UPF2: variants seen among roughly 807,000 people sequenced by gnomAD.
UPF2 encodes UPF2 regulator of nonsense mediated mRNA decay.
UPF2 carries 17 observed loss-of-function variants against 141.4 expected under a neutral mutation model. The ratio of observed to expected loss-of-function variants is 0.12; its 90% CI spans 0.08 to 0.18. The LOEUF (loss-of-function observed/expected upper bound fraction) is 0.18, where lower values mean the gene tolerates loss of function less well. Among genes scored for constraint, UPF2 ranks in the 10% least tolerant of loss-of-function variants. UPF2 has a pLI of 1.00. For synonymous variants in UPF2, 540 were observed against 498.0 expected, an observed-to-expected ratio of 1.08 and a Z score of -1.12; for missense variants, 1,152 against 1,515.9, an observed-to-expected ratio of 0.76 and a Z score of 3.99.
chr10:11,969,509 A>T (rs962887502), intron 9 of UPF2, among the ~76,000 whole-genome samples: 1 of 152,100 alleles, frequency 6.6e-6, no homozygotes, highest in African/African-American at 2.4e-5. Flanking sequence ...CATACAAAAT[A>T]GTTTTGCAAT....
intron 14 of UPF2, among the ~76,000 whole-genome samples, chr10:11,954,480 A>C (rs901764492): frequency 1.3e-5 from 2 of 151,750 alleles, no homozygotes; most frequent in Non-Finnish European, 2.9e-5. Flanking sequence ...CCAAAAATAC[A>C]AAAATTAGCC....
chr10:12,007,199 G>A (rs1385347919), intron 4 of UPF2, among the ~76,000 whole-genome samples: 1 of 152,106 alleles, frequency 6.6e-6, no homozygotes, highest in East Asian at 1.9e-4. Context: ...AAACAATAAA[G>A]GAAATCATGC....
chr10:11,948,880 C>T (rs933039560), intron 15 of UPF2, among the ~76,000 whole-genome samples: 1 of 152,182 alleles, frequency 6.6e-6, no homozygotes, highest in Non-Finnish European at 1.5e-5. Context: ...GTTGGCCACA[C>T]TCTTTACCAA....
intron 16 of UPF2, 111 bp downstream of exon 16, chr10:11,948,247 CAAAAAAAAAAA>C: frequency 4.3e-6 from 2 of 467,982 alleles, no homozygotes; most frequent in Non-Finnish European, 6.2e-6. Flanking sequence ...GACTCTGTCT[CAAAAAAAAAAA>C]AAAAAAAAAA....
At chr10:11,960,622 C>T (rs188794263) in intron 11 of UPF2, among the ~76,000 whole-genome samples, 5 of 151,388 alleles carry the variant, frequency 3.3e-5, no homozygotes, top group East Asian at 1.9e-4. Flanking sequence ...TACCCAGGCA[C>T]GGTAGTATGC....
chr10:11,950,531 G>A (rs1176969009), intron 15 of UPF2, among the ~76,000 whole-genome samples: 1 of 152,082 alleles, frequency 6.6e-6, no homozygotes, highest in Non-Finnish European at 1.5e-5. Context: ...CTCACAAGAA[G>A]CCTGCAGTCC....
At chr10:11,970,586 T>G (rs935229819) in intron 9 of UPF2, among the ~76,000 whole-genome samples, 1 of 151,988 alleles carries the variant, frequency 6.6e-6, no homozygotes, top group Admixed American at 6.6e-5. Flanking sequence ...CCAAGGCAGG[T>G]GGATCACTTG....
Position 12,035,021 on chromosome 10 carries a change from C to T in UPF2, c.365+38G>A, listed in dbSNP as rs779402303. ...TTTTCCCAAAATATTCCAATCTTCCCATTCCCTCACATCAATAAATACAAT... is the reference window on the plus strand; with the variant it reads ...TTTTCCCAAAATATTCCAATCTTCCTATTCCCTCACATCAATAAATACAAT... On this transcript the variant is annotated intron_variant, in intron 2 of 21. Coordinates refer to ENST00000357604, the MANE Select transcript of UPF2 (RefSeq NM_015542.4). 5.3e-6 allele frequency: 8 copies of T among 1,515,896 alleles called. No homozygotes were observed. The East Asian group carries it at 1.8e-4, about 35-fold the overall frequency. The allele number at this position is 1,515,896 out of a possible 1,614,324, so 93.9% of individuals were successfully genotyped here. A position where few individuals can be genotyped will look rare whatever the true frequency, so the allele number is the denominator to read the frequency against.
chr10:11,943,319 G>T, intron 16 of UPF2, 151 bp from the exon 17 acceptor site: 1 of 658,066 alleles, frequency 1.5e-6, no homozygotes, highest in Admixed American at 2.9e-5. Flanking sequence ...GGAGGGCAAA[G>T]TCAGCTAGCA....
intron 18 of UPF2, among the ~76,000 whole-genome samples, chr10:11,938,842 G>GTTTTGTTTTTTTTTT (rs1832886963): frequency 6.5e-5 from 3 of 45,862 alleles, no homozygotes; most frequent in African/African-American, 2.1e-4. Context: ...TCTTAAGCAA[G>GTTTTGTTTTTTTTTT]TTTTTTTTTT....
intron 2 of UPF2, among the ~76,000 whole-genome samples, chr10:12,029,973 A>C (rs1834489818): frequency 6.6e-6 from 1 of 151,034 alleles, no homozygotes; most frequent in Admixed American, 6.6e-5. Context: ...AAAAAAAACA[A>C]AAAAAAAACA....
chr10:11,952,620 G>GCC (rs1833091675), intron 14 of UPF2, among the ~76,000 whole-genome samples: 1 of 151,854 alleles, frequency 6.6e-6, no homozygotes, highest in Non-Finnish European at 1.5e-5. Flanking sequence ...GACTACAGGT[G>GCC]CATGCCACCA....
chr10:11,948,562 G>C, intron 15 of UPF2, 54 bp from the exon 16 acceptor site: 1 of 1,576,174 alleles, frequency 6.3e-7, no homozygotes, highest in Non-Finnish European at 8.6e-7. Context: ...ACACAGGCTA[G>C]TTTTCTACAC....
chr10:12,012,752 C>A lies in UPF2; in HGVS notation c.1306+1272G>T, dbSNP rs149699833. Among the ~76,000 whole-genome samples, 9 of 151,096 alleles carry A rather than the reference C, an allele frequency of 6.0e-5. No homozygotes were observed. In the East Asian group the frequency reaches 1.8e-3, roughly 30 times the overall value. ...AGGCGGAGCTTGCAGTGAGCAGAGACCGCACCACTGCATTCCAGCCTGGGC... is the reference window on the plus strand; with the variant it reads ...AGGCGGAGCTTGCAGTGAGCAGAGAACGCACCACTGCATTCCAGCCTGGGC... On this transcript the variant is annotated intron_variant, in intron 4 of 21. Coordinates refer to ENST00000357604, the MANE Select transcript of UPF2 (RefSeq NM_015542.4).
chr10:12,018,622 G>A (rs188783225), intron 3 of UPF2, among the ~76,000 whole-genome samples: 1 of 151,996 alleles, frequency 6.6e-6, no homozygotes, highest in East Asian at 1.9e-4. Context: ...TGCGGTGGTG[G>A]GCACCTACAG....
At chr10:11,976,306 T>C (rs893955552) in intron 9 of UPF2, among the ~76,000 whole-genome samples, 1 of 152,142 alleles carries the variant, frequency 6.6e-6, no homozygotes, top group Admixed American at 6.5e-5. Context: ...AAATCTACTA[T>C]CATAACTCCA....
chr10:11,996,681 A>G (rs948001821), intron 8 of UPF2, among the ~76,000 whole-genome samples: 1 of 152,222 alleles, frequency 6.6e-6, no homozygotes, highest in African/African-American at 2.4e-5. Flanking sequence ...ATATTCATCC[A>G]TATGACTTCT....
chr10:11,987,539 T>C (rs369406293), intron 8 of UPF2, among the ~76,000 whole-genome samples: 1 of 151,778 alleles, frequency 6.6e-6, no homozygotes, highest in Non-Finnish European at 1.5e-5. Context: ...GGGTGGATCA[T>C]TTGAGGTCAG....
chr10:12,006,178 C>T (rs968717228), intron 4 of UPF2, among the ~76,000 whole-genome samples: 4 of 152,196 alleles, frequency 2.6e-5, no homozygotes, highest in African/African-American at 9.6e-5. Context: ...CCACGCTCAG[C>T]CTTTATTTTC....
Sources: allele counts gnomAD v4.1 joint callset (sites outside exome capture counted in the v4.1 genomes callset), GRCh38; gene constraint gnomAD v4.1.1; transcripts MANE v1.5; gene names NCBI Gene and HGNC (gene_info 2026-07-23, HGNC 2026-07-21).